PAK2: variants seen among roughly 807,000 people sequenced by gnomAD.
PAK2 encodes serine/threonine-protein kinase PAK 2.
Under a neutral mutation model 65.9 loss-of-function variants are expected in PAK2, and 21 were observed. The observed-to-expected ratio is 0.32, with a 90% CI of 0.23 to 0.46. The LOEUF (loss-of-function observed/expected upper bound fraction) is 0.46, where lower values mean the gene tolerates loss of function less well. Among genes scored for constraint, PAK2 ranks in the 20% least tolerant of loss-of-function variants. The pLI is 1.00. For synonymous variants in PAK2, 204 were observed against 219.7 expected (o/e 0.93, Z 0.63); for missense variants, 324 against 642.6 (o/e 0.50, Z 5.36).
chr3:196,780,576 G>A (rs1306786391), intron 1 of PAK2, among the ~76,000 whole-genome samples: 1 of 152,118 alleles, frequency 6.6e-6, no homozygotes, highest in Non-Finnish European at 1.5e-5. Context: ...TAACATGTGG[G>A]AATTCAAGAT....
intron 1 of PAK2, among the ~76,000 whole-genome samples, chr3:196,746,826 AAAAAG>A (rs1560087711): frequency 1.1e-5 from 1 of 91,240 alleles, no homozygotes; most frequent in Non-Finnish European, 2.4e-5. Flanking sequence ...AAAAAAAAAA[AAAAAG>A]GATAGGCCTT....
chr3:196,809,406 G>C (rs1345410336), intron 7 of PAK2, among the ~76,000 whole-genome samples: 3 of 123,700 alleles, frequency 2.4e-5, no homozygotes, highest in Non-Finnish European at 4.8e-5. Context: ...CTGGAGTGCA[G>C]TGGCGTGGCT....
chr3:196,776,471 T>C (rs1478349305), intron 1 of PAK2, among the ~76,000 whole-genome samples: 1 of 152,206 alleles, frequency 6.6e-6, no homozygotes, highest in Non-Finnish European at 1.5e-5. Context: ...TCAGACTTCG[T>C]ATTTTGCGGA....
chr3:196,756,147 C>G (rs934027607), intron 1 of PAK2, among the ~76,000 whole-genome samples: 4 of 152,124 alleles, frequency 2.6e-5, no homozygotes, highest in African/African-American at 9.7e-5. Flanking sequence ...CTGAGCCTCG[C>G]CACTTGACTT....
chr3:196,794,440 G>A (rs73891508), intron 2 of PAK2, among the ~76,000 whole-genome samples: 93 of 152,290 alleles, frequency 6.1e-4, no homozygotes, highest in African/African-American at 2.2e-3. Flanking sequence ...TGTAAGAATC[G>A]GACTTCCGTA....
chr3:196,808,064 C>G, intron 7 of PAK2, 150 bp downstream of exon 7: 3 of 658,840 alleles, frequency 4.6e-6, no homozygotes, highest in Non-Finnish European at 4.9e-6. Context: ...CAATTACAAT[C>G]TGGTGATGTC....
chr3:196,816,240 T>G (rs533730713), intron 11 of PAK2, among the ~76,000 whole-genome samples: 4 of 152,194 alleles, frequency 2.6e-5, no homozygotes, highest in Non-Finnish European at 5.9e-5. Flanking sequence ...GATACATATA[T>G]ATTTCCCTTT....
chr3:196,782,080 T>C (rs1393706082), intron 1 of PAK2, among the ~76,000 whole-genome samples: 3 of 152,152 alleles, frequency 2.0e-5, no homozygotes, highest in Non-Finnish European at 4.4e-5. Context: ...CACTCCAGCC[T>C]GGGTGACAGA....
At chr3:196,795,809 G>C (rs1032565541) in intron 2 of PAK2, among the ~76,000 whole-genome samples, 2 of 152,224 alleles carry the variant, frequency 1.3e-5, no homozygotes, top group African/African-American at 4.8e-5. Flanking sequence ...GGTGATGTCA[G>C]ATGGAAATGT....
chr3:196,761,829 G>A (rs1430681553), intron 1 of PAK2, among the ~76,000 whole-genome samples: 1 of 96,596 alleles, frequency 1.0e-5, no homozygotes, highest in Non-Finnish European at 2.4e-5. Flanking sequence ...GGCCGGGCGG[G>A]GGGCTGACCC....
intron 2 of PAK2, among the ~76,000 whole-genome samples, chr3:196,788,760 G>A (rs1256050074): frequency 2.0e-5 from 3 of 152,186 alleles, no homozygotes; most frequent in Admixed American, 2.0e-4. Context: ...GTTACAAAGT[G>A]TGTTCCATGC....
intron 1 of PAK2, among the ~76,000 whole-genome samples, chr3:196,740,524 A>C (rs1477440344): frequency 6.6e-6 from 1 of 152,096 alleles, no homozygotes; most frequent in Non-Finnish European, 1.5e-5. Flanking sequence ...ATGCTGGACC[A>C]GACTCTCCGG....
Position 196,758,707 on chromosome 3 carries a change from T to C in PAK2, c.-22+18550T>C, listed in dbSNP as rs73072794. On this transcript the variant is annotated intron_variant, in intron 1 of 14. Coordinates refer to ENST00000327134, the MANE Select transcript of PAK2 (RefSeq NM_002577.4). ...TCTCGCTCTACTGCCCAGGGTGGAG[T>C]GTACCCTGGCATGATCTCAGCTCAC... Among the ~76,000 whole-genome samples, 530 of 152,194 alleles carry C rather than the reference T, an allele frequency of 3.5e-3. 3 individuals are homozygous for C. The highest frequency in any genetic ancestry group is 0.012 in the African/African-American group (517 of 41,514).
rs1197223506 is a variant in PAK2, at chr3:196,830,376, G to C, written c.*1971G>C. ...ACTGGTTTATTTCTGGCAGAAAGCT[G>C]CAGTGCCACCTGAGTTCCAAATTTT... is the stretch of plus-strand genomic sequence containing the variant. On this transcript the variant is annotated 3_prime_UTR_variant, in exon 15 of 15. Coordinates refer to ENST00000327134, the MANE Select transcript of PAK2 (RefSeq NM_002577.4). 6.6e-6 allele frequency: 1 copy of C among 152,212 alleles called. No homozygotes were observed. The highest frequency in any genetic ancestry group is 1.9e-4 in the East Asian group (1 of 5,200). 9.4% of individuals were successfully genotyped at this position (152,212 alleles called of 1,614,324 possible). A position where few individuals can be genotyped will look rare whatever the true frequency, so the allele number is the denominator to read the frequency against.
At chr3:196,749,371 A>G (rs1223326609) in intron 1 of PAK2, among the ~76,000 whole-genome samples, 1 of 152,136 alleles carries the variant, frequency 6.6e-6, no homozygotes, top group Non-Finnish European at 1.5e-5. Flanking sequence ...CCAGCAGCGC[A>G]CAGCAGTTCA....
chr3:196,769,774 G>A (rs1714303199), intron 1 of PAK2, among the ~76,000 whole-genome samples: 1 of 151,810 alleles, frequency 6.6e-6, no homozygotes, highest in Non-Finnish European at 1.5e-5. Flanking sequence ...CTGAGATCAT[G>A]CCACTGCACT....
At chr3:196,812,354 C>A in intron 9 of PAK2, 87 bp downstream of exon 9, 2 of 831,084 alleles carry the variant, frequency 2.4e-6, no homozygotes, top group South Asian at 1.3e-5. Context: ...GCAATAGGAA[C>A]CTCTTTTAAG....
intron 4 of PAK2, among the ~76,000 whole-genome samples, chr3:196,803,521 A>G (rs1407163644): frequency 6.6e-6 from 1 of 152,230 alleles, no homozygotes; most frequent in Admixed American, 6.5e-5. Context: ...AGACATGTTC[A>G]TACTAGAAAC....
chr3:196,760,166 C>G (rs1713913459), intron 1 of PAK2, among the ~76,000 whole-genome samples: 1 of 152,190 alleles, frequency 6.6e-6, no homozygotes, highest in African/African-American at 2.4e-5. Flanking sequence ...CCAGGCTAGT[C>G]TTGAACTCCT....
Sources: allele counts gnomAD v4.1 joint callset (sites outside exome capture counted in the v4.1 genomes callset), GRCh38; gene constraint gnomAD v4.1.1; transcripts MANE v1.5; gene names NCBI Gene and HGNC (gene_info 2026-07-23, HGNC 2026-07-21).